TPRG1: variants seen among roughly 807,000 people sequenced by gnomAD.
TPRG1 encodes the protein tumor protein p63 regulated 1, also known as tumor protein p63-regulated gene 1 protein.
In TPRG1, 29 loss-of-function variants were observed where a neutral mutation model predicts 29.3. The ratio of observed to expected loss-of-function variants is 0.99; its 90% CI spans 0.74 to 1.35. The LOEUF is 1.35. TPRG1 is among the 40% of genes most tolerant of loss of function. The pLI is 0.00. For missense variants in TPRG1, 327 were observed against 335.0 expected (o/e 0.98, Z 0.19); for synonymous variants, 130 against 116.8 (o/e 1.11, Z -0.73).
intron 2 of TPRG1, among the ~76,000 whole-genome samples, chr3:189,213,932 G>A (rs1735655461): frequency 6.6e-6 from 1 of 151,944 alleles, no homozygotes; most frequent in African/African-American, 2.4e-5. Context: ...CCTTTATTGA[G>A]AGATGTTTGC....
intron 4 of TPRG1, among the ~76,000 whole-genome samples, chr3:189,074,843 G>T (rs190677113): frequency 1.3e-5 from 2 of 149,818 alleles, no homozygotes; most frequent in Non-Finnish European, 3.0e-5. Context: ...ACGGAGTCTC[G>T]CTCTGTCGCC....
intron 3 of TPRG1, among the ~76,000 whole-genome samples, chr3:189,146,425 A>G (rs1725271242): frequency 6.6e-6 from 1 of 152,224 alleles, no homozygotes; most frequent in African/African-American, 2.4e-5. Context: ...GCCAGTGTCA[A>G]GGTTAGACGT....
chr3:189,198,624 C>T (rs1337409871), intron 1 of TPRG1, among the ~76,000 whole-genome samples: 1 of 152,176 alleles, frequency 6.6e-6, no homozygotes, highest in Non-Finnish European at 1.5e-5. Context: ...GCAGGGTATC[C>T]ATTCATCCAT....
At chr3:189,060,892 A>C (rs1210101881) in intron 4 of TPRG1, among the ~76,000 whole-genome samples, 1 of 152,148 alleles carries the variant, frequency 6.6e-6, no homozygotes, top group Non-Finnish European at 1.5e-5. Flanking sequence ...CGGATTCAAC[A>C]CTACTCCTCT....
At chr3:189,115,515 G>A (rs1282721256) in intron 1 of TPRG1, among the ~76,000 whole-genome samples, 1 of 152,174 alleles carries the variant, frequency 6.6e-6, no homozygotes, top group Non-Finnish European at 1.5e-5. Context: ...TCCAAAGAAG[G>A]CATAGATTTG....
chr3:189,226,966 C>T (rs1737842215), intron 3 of TPRG1, among the ~76,000 whole-genome samples: 1 of 151,694 alleles, frequency 6.6e-6, no homozygotes, highest in African/African-American at 2.4e-5. Flanking sequence ...TCAGATGAAA[C>T]AAACCAATTT....
chr3:189,288,428 A>AT (rs1390119515), intron 4 of TPRG1, among the ~76,000 whole-genome samples: 4 of 152,236 alleles, frequency 2.6e-5, no homozygotes, highest in Non-Finnish European at 5.9e-5. Flanking sequence ...GAAAAGCTAT[A>AT]TATTAATACT....
chr3:189,124,556 G>GTGTGTGTA (rs1459383452), intron 1 of TPRG1, among the ~76,000 whole-genome samples: 8 of 150,462 alleles, frequency 5.3e-5, no homozygotes, highest in South Asian at 2.1e-4. Flanking sequence ...GTGTGTGTGT[G>GTGTGTGTA]TATATATATA....
intron 4 of TPRG1, among the ~76,000 whole-genome samples, chr3:189,266,210 C>T (rs1456894571): frequency 6.6e-6 from 1 of 152,170 alleles, no homozygotes; most frequent in African/African-American, 2.4e-5. Flanking sequence ...TGAGAAGTGC[C>T]AAACTGGTGA....
chr3:189,274,290 A>G lies in TPRG1; in HGVS notation c.479+35381A>G, dbSNP rs192858944. ...AAATTTTGGCTGAGTGGGTTATCTC[A>G]CTATCATTGGAGGGAAATCTCTTAA... On this transcript the variant is annotated intron_variant, in intron 4 of 5. Coordinates refer to ENST00000345063, the MANE Select transcript of TPRG1 (RefSeq NM_198485.4). Among the ~76,000 whole-genome samples, 4 of 152,260 alleles carry G rather than the reference A, an allele frequency of 2.6e-5. No individual in the cohort carries two copies. The East Asian group carries it at 5.8e-4, about 22-fold the overall frequency.
At chr3:189,265,915 C>G (rs1713992795) in intron 4 of TPRG1, among the ~76,000 whole-genome samples, 1 of 152,174 alleles carries the variant, frequency 6.6e-6, no homozygotes, top group Non-Finnish European at 1.5e-5. Context: ...CGCAGTTCAT[C>G]ATTAGATGGG....
intron 3 of TPRG1, among the ~76,000 whole-genome samples, chr3:189,238,508 T>C (rs7627629): frequency 0.42 from 63,325 of 152,002 alleles, 13,946 homozygotes; most frequent in East Asian, 0.56. Context: ...TATCTTTGAG[T>C]TCTGGGATGA....
upstream of TPRG1, among the ~76,000 whole-genome samples, chr3:189,095,505 A>G (rs900031194): frequency 1.3e-5 from 2 of 152,160 alleles, no homozygotes; most frequent in Admixed American, 6.5e-5. Context: ...GGATTGATGT[A>G]TTAGTATTGT....
At chr3:189,281,882 T>C (rs575169133) in intron 4 of TPRG1, among the ~76,000 whole-genome samples, 64 of 152,210 alleles carry the variant, frequency 4.2e-4, no homozygotes, top group Admixed American at 1.0e-3. Flanking sequence ...ATTTTATTTT[T>C]ATTTTTTATT....
intron 4 of TPRG1, among the ~76,000 whole-genome samples, chr3:189,255,760 A>G (rs1711742525): frequency 1.3e-5 from 2 of 152,104 alleles, no homozygotes; most frequent in African/African-American, 2.4e-5. Context: ...GGGAGGGTGT[A>G]TGTGTCCAGG....
chr3:189,058,859 A>G (rs531269619), intron 4 of TPRG1, among the ~76,000 whole-genome samples: 132 of 152,298 alleles, frequency 8.7e-4, no homozygotes, highest in Non-Finnish European at 9.7e-4. Flanking sequence ...CTCAAAATAT[A>G]TTAACTATAA....
intron 4 of TPRG1, among the ~76,000 whole-genome samples, chr3:189,287,249 C>T (rs1428709548): frequency 2.0e-5 from 3 of 152,010 alleles, no homozygotes; most frequent in African/African-American, 7.2e-5. Context: ...AAAGATCTTC[C>T]TTGGGGAATT....
At chr3:189,076,548 A>G (rs2152162502) in intron 4 of TPRG1, among the ~76,000 whole-genome samples, 1 of 152,232 alleles carries the variant, frequency 6.6e-6, no homozygotes, top group South Asian at 2.1e-4. Context: ...TTTTTACAAA[A>G]AAATACTTGT....
At chr3:189,219,722 TC>T (rs1246566675) in intron 3 of TPRG1, 4 of 1,247,670 alleles carry the variant, frequency 3.2e-6, no homozygotes, top group Non-Finnish European at 2.1e-6. Context: ...GACAGCATCT[TC>T]CCTCCACACA....
Sources: allele counts gnomAD v4.1 joint callset (sites outside exome capture counted in the v4.1 genomes callset), GRCh38; gene constraint gnomAD v4.1.1; transcripts MANE v1.5; gene names NCBI Gene and HGNC (gene_info 2026-07-23, HGNC 2026-07-21).